UBR2: variants seen among roughly 807,000 people sequenced by gnomAD.
The protein encoded by UBR2 is E3 ubiquitin-protein ligase UBR2.
Under a neutral mutation model 247.9 loss-of-function variants are expected in UBR2, and 92 were observed. That is an observed-to-expected ratio of 0.37 (90% CI 0.31 to 0.44). The LOEUF is 0.44. UBR2 is among the 20% of genes least tolerant of loss of function. The pLI is 1.00. For synonymous variants in UBR2, 672 were observed against 693.5 expected (o/e 0.97, Z 0.49); for missense variants, 1,613 against 2,112.6 (o/e 0.76, Z 4.64).
chr6:42,595,359 G>A (rs1792900783), intron 4 of UBR2, among the ~76,000 whole-genome samples: 1 of 152,132 alleles, frequency 6.6e-6, no homozygotes, highest in African/African-American at 2.4e-5. Flanking sequence ...CCTTCTTTCA[G>A]ATTTTATTTT....
At chr6:42,585,486 G>A (rs1457676700) in intron 2 of UBR2, among the ~76,000 whole-genome samples, 1 of 152,060 alleles carries the variant, frequency 6.6e-6, no homozygotes. Flanking sequence ...CCTTATTTCT[G>A]GAAGTATTTA....
intron 43 of UBR2, among the ~76,000 whole-genome samples, chr6:42,683,996 A>C (rs1350487811): frequency 6.6e-6 from 1 of 152,238 alleles, no homozygotes; most frequent in Non-Finnish European, 1.5e-5. Context: ...TTGCTTTTAC[A>C]CATCCAGAAA....
Position 42,632,872 on chromosome 6 carries a change from G to A in UBR2, c.1513G>A (p.Asp505Asn). The A allele has an allele frequency of 6.3e-7, 1 of 1,592,610 alleles. No individual in the cohort carries two copies. Residue 505 changes from aspartate (D) to asparagine (N), a missense_variant, in exon 13 of 47, where the codon GAT becomes AAT. Transcript: ENST00000372901. ...GAGGCAGAAGTTCCTAGAAGGGTTTGATGCCTTTTTGGAATTACTAAAATG... is the reference window on the plus strand; with the variant it reads ...GAGGCAGAAGTTCCTAGAAGGGTTTAATGCCTTTTTGGAATTACTAAAATG... Reference protein sequence around the residue: ...ELRQKFLEGFDAFLELLKCMQ... With the variant: ...ELRQKFLEGFNAFLELLKCMQ...
chr6:42,632,896 T>C lies in UBR2; in HGVS notation c.1537T>C (p.Cys513Arg). Residue 513 changes from cysteine to arginine, a missense_variant, in exon 13 of 47, where the codon TGT (cysteine) becomes CGT (arginine). Physicochemically the swap from Cys to Arg is radical, Grantham distance 180. Coordinates refer to ENST00000372901, the MANE Select transcript of UBR2 (RefSeq NM_001363705.2). Reference sequence around the variant, plus strand: ...TGATGCCTTTTTGGAATTACTAAAATGTATGCAGGTATGTAAAAACTGTTA... The same window carrying C: ...TGATGCCTTTTTGGAATTACTAAAACGTATGCAGGTATGTAAAAACTGTTA... ...GFDAFLELLK[C>R]MQGMDPITRQ... 1 of 1,577,654 alleles carries C rather than the reference T, an allele frequency of 6.3e-7. No individual in the cohort carries two copies. Among genetic ancestry groups the C allele is most frequent in the South Asian group, 1.2e-5 (1 of 83,948 alleles).
chr6:42,583,399 C>T (rs757265281), intron 2 of UBR2, among the ~76,000 whole-genome samples: 1 of 152,260 alleles, frequency 6.6e-6, no homozygotes, highest in East Asian at 1.9e-4. Context: ...AGGCATGCAC[C>T]ACCAAGCCCA....
At chr6:42,633,767 G>A (rs577850344) in intron 13 of UBR2, among the ~76,000 whole-genome samples, 1 of 151,862 alleles carries the variant, frequency 6.6e-6, no homozygotes, top group South Asian at 2.1e-4. Flanking sequence ...TTTTCACTCT[G>A]TTGCCCAGGC....
chr6:42,652,170 T>A, intron 24 of UBR2, 99 bp downstream of exon 24: 2 of 1,185,254 alleles, frequency 1.7e-6, no homozygotes, highest in Non-Finnish European at 2.4e-6. Flanking sequence ...GAATGAATAT[T>A]TAAATGTAAG....
chr6:42,607,245 G>A (rs1793758396), intron 7 of UBR2, among the ~76,000 whole-genome samples: 2 of 149,728 alleles, frequency 1.3e-5, no homozygotes, highest in Non-Finnish European at 3.0e-5. Context: ...TCGGCTCACT[G>A]CAACTTCCTC....
chr6:42,673,347 A>C (rs1798550077), intron 36 of UBR2, among the ~76,000 whole-genome samples: 1 of 152,156 alleles, frequency 6.6e-6, no homozygotes, highest in Admixed American at 6.5e-5. Flanking sequence ...TTTGAGATAG[A>C]GTCTCGCTCT....
At position 42,680,785 on chromosome 6, in the gene UBR2, T is replaced by C. The variant is rs114184635; in HGVS notation, c.4718+953T>C. Among the ~76,000 whole-genome samples, 609 of 152,282 alleles carry C rather than the reference T, an allele frequency of 4.0e-3. 1 individual carries two copies. The highest frequency in any genetic ancestry group is 0.014 in the African/African-American group (566 of 41,572). ...TCTGATAAGGGATTAACATCCAGAA[T>C]AGGCCGGGCACAGTGGCTCACCCCT... On this transcript the variant is annotated intron_variant, in intron 42 of 46. Transcript: ENST00000372901.
At chr6:42,629,616 C>T (rs1330456661) in intron 11 of UBR2, among the ~76,000 whole-genome samples, 1 of 151,992 alleles carries the variant, frequency 6.6e-6, no homozygotes, top group Non-Finnish European at 1.5e-5. Context: ...AAGATTATGC[C>T]ACTGCACTCC....
At position 42,581,221 on chromosome 6, in the gene UBR2, G is replaced by A. The variant is rs538622664; in HGVS notation, c.338+7228G>A. ...TTTTTTTTCTCCGAGACGGAGTCTC[G>A]CTCTGTCGCCCAGGCTGAAGTGCAG... On this transcript the variant is annotated intron_variant, in intron 2 of 46. Coordinates refer to ENST00000372901, the MANE Select transcript of UBR2 (RefSeq NM_001363705.2). 1.3e-4 allele frequency among the ~76,000 whole-genome samples: 19 copies of A among 147,532 alleles called. No homozygotes were observed. In the East Asian group the frequency reaches 2.6e-3, roughly 20 times the overall value.
Position 42,614,212 on chromosome 6 carries a change from A to ATG in UBR2, c.986-858_986-857insGT, listed in dbSNP as rs1309578485. Among the ~76,000 whole-genome samples, 7 of 53,428 alleles carry ATG rather than the reference A, an allele frequency of 1.3e-4. 2 individuals carry two copies. The highest frequency in any genetic ancestry group is 4.2e-4 in the African/African-American group (7 of 16,688). The allele number at this position is 53,428 out of a possible 152,430, so 35.1% of individuals were successfully genotyped here. Reference sequence around the variant, plus strand: ...AAAAAAAAAAAAAAAAAAACTATATATATATACACACACACACACACACAC... The same window carrying ATG: ...AAAAAAAAAAAAAAAAAAACTATATATGTATATACACACACACACACACACAC... On this transcript the variant is annotated intron_variant, in intron 8 of 46. Coordinates refer to ENST00000372901, the MANE Select transcript of UBR2 (RefSeq NM_001363705.2).
chr6:42,574,043 C>T (rs759332938), intron 2 of UBR2, 50 bp downstream of exon 2: 1 of 1,456,390 alleles, frequency 6.9e-7, no homozygotes, highest in Non-Finnish European at 9.1e-7. Context: ...TATTTGACCT[C>T]TTTTTTTCCC....
chr6:42,670,224 C>T lies in UBR2; in HGVS notation c.4014C>T (p.Tyr1338=), dbSNP rs771442494. 12 of 1,614,076 alleles carry T rather than the reference C, an allele frequency of 7.4e-6. No homozygotes were observed. Among genetic ancestry groups the T allele is most frequent in the Non-Finnish European group, 1.0e-5 (12 of 1,179,938 alleles). The change falls in exon 35 of 47, where the codon TAC becomes TAT. Residue 1338 remains tyrosine (Y), a synonymous_variant. Transcript: ENST00000372901. The part of the protein sequence containing the change: ...VPIMCWGSCA[Y]TIQSIERILS... ...TAATGTGTTGGGGTAGCTGCGCGTA[C>T]ACCATCCAAAGCATAGGTAAGAGAT... is the stretch of plus-strand genomic sequence containing the variant.
chr6:42,681,046 C>G (rs1427885006), intron 42 of UBR2, among the ~76,000 whole-genome samples: 1 of 151,864 alleles, frequency 6.6e-6, no homozygotes, highest in Non-Finnish European at 1.5e-5. Context: ...GCCTGTAATC[C>G]CAGCTACTCG....
intron 11 of UBR2, among the ~76,000 whole-genome samples, chr6:42,621,165 C>T (rs184205901): frequency 2.6e-5 from 4 of 152,290 alleles, no homozygotes; most frequent in Admixed American, 2.6e-4. Context: ...CTGCCTTTCC[C>T]ATTTAAATTC....
chr6:42,580,157 A>G (rs1332075371), intron 2 of UBR2, among the ~76,000 whole-genome samples: 1 of 152,134 alleles, frequency 6.6e-6, no homozygotes, highest in Non-Finnish European at 1.5e-5. Context: ...TCTGTACGTT[A>G]TCATGGGGCC....
intron 2 of UBR2, among the ~76,000 whole-genome samples, chr6:42,581,411 A>G (rs1038836540): frequency 2.6e-5 from 4 of 152,066 alleles, no homozygotes; most frequent in Admixed American, 1.3e-4. Flanking sequence ...AGCTGGTTTC[A>G]AACTCCAGGA....
Sources: allele counts gnomAD v4.1 joint callset (sites outside exome capture counted in the v4.1 genomes callset), GRCh38; gene constraint gnomAD v4.1.1; transcripts MANE v1.5; gene names NCBI Gene and HGNC (gene_info 2026-07-23, HGNC 2026-07-21).